SPTLC2: variants seen among roughly 807,000 people sequenced by gnomAD.
SPTLC2 encodes the protein serine palmitoyltransferase long chain base subunit 2.
SPTLC2 carries 21 observed loss-of-function variants against 62.0 expected under a neutral mutation model. The ratio of observed to expected loss-of-function variants is 0.34; its 90% CI spans 0.24 to 0.49. SPTLC2 has a LOEUF of 0.49. Ranked by LOEUF, SPTLC2 falls within the 20% of genes least tolerant of loss-of-function variation. The probability of loss-of-function intolerance (pLI) is 0.99; values close to 1 mark genes in which losing one functional copy is unlikely to be tolerated. For synonymous variants in SPTLC2, 261 were observed against 261.8 expected, an observed-to-expected ratio of 1.00 and a Z score of 0.03; for missense variants, 511 against 713.0, an observed-to-expected ratio of 0.72 and a Z score of 3.23.
chr14:77,512,512 A>G, intron 11 of SPTLC2, 109 bp from the exon 12 acceptor site: 1 of 1,522,818 alleles, frequency 6.6e-7, no homozygotes, highest in Non-Finnish European at 9.0e-7. Context: ...CTTCGGCAGG[A>G]CTTATGTCTA....
intron 6 of SPTLC2, among the ~76,000 whole-genome samples, chr14:77,561,694 A>C (rs1002636790): frequency 2.6e-5 from 4 of 152,088 alleles, no homozygotes; most frequent in African/African-American, 9.6e-5. Context: ...TTTAGACAAG[A>C]CAAAAACAAA....
intron 9 of SPTLC2, among the ~76,000 whole-genome samples, chr14:77,534,573 T>C (rs2140003678): frequency 2.5e-5 from 1 of 40,636 alleles, no homozygotes; most frequent in South Asian, 8.3e-4. Flanking sequence ...ATAATAAACA[T>C]TTCACATATT....
At chr14:77,610,083 A>G (rs1175495796) in intron 1 of SPTLC2, among the ~76,000 whole-genome samples, 1 of 152,160 alleles carries the variant, frequency 6.6e-6, no homozygotes, top group African/African-American at 2.4e-5. Flanking sequence ...TGAACACTTA[A>G]TACCTGGTTT....
intron 9 of SPTLC2, among the ~76,000 whole-genome samples, chr14:77,542,259 A>G (rs1038942487): frequency 6.6e-6 from 1 of 152,170 alleles, no homozygotes; most frequent in Admixed American, 6.5e-5. Flanking sequence ...TATCTCACAG[A>G]AAGATAAAGA....
At chr14:77,575,212 C>T (rs773730237) in intron 4 of SPTLC2, among the ~76,000 whole-genome samples, 6 of 152,166 alleles carry the variant, frequency 3.9e-5, no homozygotes, top group Non-Finnish European at 7.4e-5. Flanking sequence ...AGAGACCCTG[C>T]ATCCATCTAT....
At chr14:77,548,434 G>A (rs2140014618) in intron 9 of SPTLC2, among the ~76,000 whole-genome samples, 1 of 152,336 alleles carries the variant, frequency 6.6e-6, no homozygotes, top group African/African-American at 2.4e-5. Context: ...CAAAATTTTA[G>A]TTGATTTGGT....
intron 1 of SPTLC2, among the ~76,000 whole-genome samples, chr14:77,615,602 A>C (rs1203709317): frequency 6.6e-6 from 1 of 152,240 alleles, no homozygotes; most frequent in African/African-American, 2.4e-5. Flanking sequence ...AACACATTTC[A>C]ACAGAATATC....
intron 2 of SPTLC2, among the ~76,000 whole-genome samples, chr14:77,581,405 C>CTTTTTTTTTTT (rs1159561282): frequency 3.2e-5 from 3 of 94,008 alleles, no homozygotes; most frequent in Non-Finnish European, 6.0e-5. Flanking sequence ...TACCATCTCT[C>CTTTTTTTTTTT]TTTTTTTTTT....
intron 1 of SPTLC2, among the ~76,000 whole-genome samples, chr14:77,605,647 T>A (rs1466224122): frequency 2.6e-5 from 4 of 152,138 alleles, no homozygotes; most frequent in Admixed American, 2.6e-4. Flanking sequence ...CAGAACTCCA[T>A]CAAGAGAAAG....
intron 9 of SPTLC2, among the ~76,000 whole-genome samples, chr14:77,542,262 G>C (rs12897996): frequency 0.23 from 34,976 of 151,778 alleles, 4,804 homozygotes; most frequent in East Asian, 0.56. Context: ...CTCACAGAAA[G>C]ATAAAGAATC....
chr14:77,568,206 T>G (rs972872348), intron 5 of SPTLC2, among the ~76,000 whole-genome samples: 1 of 152,232 alleles, frequency 6.6e-6, no homozygotes, highest in African/African-American at 2.4e-5. Context: ...TTTTTCTTCT[T>G]TGGCCCATGG....
chr14:77,557,020 A>G (rs1202826683), intron 7 of SPTLC2, 21 bp downstream of exon 7: 2 of 1,599,424 alleles, frequency 1.3e-6, no homozygotes, highest in East Asian at 4.5e-5. Context: ...CACAAAGGTA[A>G]GAATAATAAA....
At chr14:77,589,179 C>T (rs2079800984) in intron 2 of SPTLC2, among the ~76,000 whole-genome samples, 1 of 152,044 alleles carries the variant, frequency 6.6e-6, no homozygotes, top group African/African-American at 2.4e-5. Flanking sequence ...AACTTTTAAA[C>T]CTTTCAACCA....
intron 1 of SPTLC2, among the ~76,000 whole-genome samples, chr14:77,601,340 T>C (rs1007585484): frequency 6.6e-6 from 1 of 152,080 alleles, no homozygotes; most frequent in African/African-American, 2.4e-5. Flanking sequence ...CTTAAGAAGG[T>C]TCTTTATAAT....
intron 2 of SPTLC2, among the ~76,000 whole-genome samples, chr14:77,590,801 G>A (rs1052051096): frequency 6.6e-5 from 10 of 152,204 alleles, no homozygotes; most frequent in African/African-American, 2.4e-4. Context: ...AAGGAAAGGG[G>A]GAGACATGCT....
chr14:77,557,417 G>T, intron 6 of SPTLC2: 1 of 456,352 alleles, frequency 2.2e-6, no homozygotes, highest in Non-Finnish European at 4.0e-6. Context: ...AAAATGACCA[G>T]TGTCTCATGT....
rs752336783 is a variant in SPTLC2 at position 77,616,439 on chromosome 14, C to T, written c.132+9G>A. 7 of 1,445,896 alleles carry T rather than the reference C, an allele frequency of 4.8e-6. No homozygotes were observed. The highest frequency in any genetic ancestry group is 3.0e-5 in the East Asian group (1 of 32,954). The allele number at this position is 1,445,896 out of a possible 1,614,324, so 89.6% of individuals were successfully genotyped here. ...GCCACCCCGGCCCCGCCGCGCGGGC[C>T]CCTCGTACCTGGCCGGCGGCGGCTG... On this transcript the variant is annotated intron_variant, in intron 1 of 11. Transcript: ENST00000216484.
rs926137204 is a variant in SPTLC2, at chr14:77,510,150, T to C, written c.*2134A>G. 5.1e-6 allele frequency: 2 copies of C among 389,374 alleles called. No individual in the cohort carries two copies. Among genetic ancestry groups the C allele is most frequent in the Non-Finnish European group, 9.0e-6 (2 of 221,044 alleles). The allele number at this position is 389,374 out of a possible 1,614,324, so 24.1% of individuals were successfully genotyped here. A position where few individuals can be genotyped will look rare whatever the true frequency, so the allele number is the denominator to read the frequency against. On this transcript the variant is annotated 3_prime_UTR_variant, in exon 12 of 12. Transcript: ENST00000216484. The stretch of plus-strand genomic sequence containing the variant: ...TCCTATTTAGTTACCACAACCTCCT[T>C]CTTACTTTAACCTATACATGCTAAA...
chr14:77,521,572 C>T lies in SPTLC2; in HGVS notation c.1313G>A (p.Cys438Tyr), dbSNP rs116342919. The T allele has an allele frequency of 1.4e-5, 23 of 1,614,024 alleles. No individual in the cohort carries two copies. The Admixed American group carries it at 2.2e-4, about 15-fold the overall frequency. Residue 438 changes from cysteine (C) to tyrosine (Y), a missense_variant, in exon 10 of 12, where the codon TGT (cysteine) becomes TAT (tyrosine). Coordinates refer to ENST00000216484, the MANE Select transcript of SPTLC2 (RefSeq NM_004863.4). ...GGTGTTTTCAGCTAACTGTTGTACA[C>T]ACTCTTTACCTGGAAAGTCACGGTG... ...GQDGTSLGKE[C>Y]VQQLAENTRY...
Sources: allele counts gnomAD v4.1 joint callset (sites outside exome capture counted in the v4.1 genomes callset), GRCh38; gene constraint gnomAD v4.1.1; transcripts MANE v1.5; gene names NCBI Gene and HGNC (gene_info 2026-07-23, HGNC 2026-07-21).